The following THAP4 variants were observed in gnomAD, a reference collection of about 807,000 sequenced individuals.
THAP4 encodes the protein THAP domain containing 4.
In THAP4, 18 loss-of-function variants were observed where a neutral mutation model predicts 48.1. That is an observed-to-expected ratio of 0.37 (90% CI 0.26 to 0.56). The LOEUF (loss-of-function observed/expected upper bound fraction) is 0.56. Ranked by LOEUF, THAP4 falls within the 20% of genes least tolerant of loss-of-function variation. The probability of loss-of-function intolerance (pLI) is 0.78; values close to 1 mark genes in which losing one functional copy is unlikely to be tolerated. For synonymous variants in THAP4, 345 were observed against 324.9 expected (o/e 1.06, Z -0.66); for missense variants, 656 against 774.9 (o/e 0.85, Z 1.82).
chr2:241,601,693 C>CA lies in THAP4; in HGVS notation c.1614+202dup. On this transcript the variant is annotated intron_variant, in intron 5 of 5. Transcript: ENST00000407315. This position sits in a 1 kb window ranked among gnomAD's most constrained non-coding sequence, Gnocchi z 4.0. ...ACAACAAACCTCAAAAAAACCACAC[C>CA]ACTGACCAGCCGAGGAGGGGGCAAT... The CA allele has an allele frequency of 1.1e-6, 1 of 929,846 alleles. No individual in the cohort carries two copies. The highest frequency in any genetic ancestry group is 1.6e-6 in the Non-Finnish European group (1 of 640,104). 57.6% of individuals were successfully genotyped at this position (929,846 alleles called of 1,614,324 possible).
chr2:241,621,146 G>A (rs1290480328), intron 2 of THAP4, among the ~76,000 whole-genome samples: 1 of 152,042 alleles, frequency 6.6e-6, no homozygotes, highest in Non-Finnish European at 1.5e-5. Context: ...TCAGGAGTTC[G>A]AGACCAGCCT....
chr2:241,587,932 A>G (rs1401931675), intron 5 of THAP4, among the ~76,000 whole-genome samples: 1 of 151,592 alleles, frequency 6.6e-6, no homozygotes, highest in African/African-American at 2.4e-5. Flanking sequence ...AAAGAAAAAA[A>G]TCACTAGAGA....
chr2:241,614,906 CAAAA>C, intron 2 of THAP4, among the ~76,000 whole-genome samples: 1 of 151,768 alleles, frequency 6.6e-6, no homozygotes, highest in Non-Finnish European at 1.5e-5. Context: ...AAAACAAAAA[CAAAA>C]ACAAAAACAA....
chr2:241,637,399 C>T, upstream of THAP4: 1 of 1,435,190 alleles, frequency 7.0e-7, no homozygotes, highest in Non-Finnish European at 9.2e-7. Context: ...GAGCTCGCCT[C>T]TGCCGCCTCG....
At chr2:241,608,401 A>T (rs930257876) in intron 2 of THAP4, among the ~76,000 whole-genome samples, 2 of 152,224 alleles carry the variant, frequency 1.3e-5, no homozygotes, top group Non-Finnish European at 2.9e-5. Flanking sequence ...TTAAATGATG[A>T]TTTAAAAATT....
intron 2 of THAP4, among the ~76,000 whole-genome samples, chr2:241,625,347 T>C (rs1010482974): frequency 2.0e-5 from 3 of 151,892 alleles, no homozygotes; most frequent in African/African-American, 2.4e-5. Context: ...TGACGGCACG[T>C]GTCCATAGTC....
intron 5 of THAP4, among the ~76,000 whole-genome samples, chr2:241,590,363 A>G (rs2066946639): frequency 6.6e-6 from 1 of 151,030 alleles, no homozygotes; most frequent in Non-Finnish European, 1.5e-5. Flanking sequence ...TAGGACACTC[A>G]GAACTGCCCG....
chr2:241,585,930 G>GAAAAAAAAAA (rs1247935159), intron 5 of THAP4, among the ~76,000 whole-genome samples: 1 of 109,022 alleles, frequency 9.2e-6, no homozygotes, highest in Admixed American at 1.0e-4. Context: ...AAAAAAAAAA[G>GAAAAAAAAAA]AAAAAAAAAA....
intron 2 of THAP4, among the ~76,000 whole-genome samples, chr2:241,613,176 T>C (rs2125085601): frequency 6.6e-6 from 1 of 152,032 alleles, no homozygotes; most frequent in Middle Eastern, 3.4e-3. Context: ...TGTTTCTATG[T>C]CTTCTCCCTG....
intron 2 of THAP4, chr2:241,617,454 C>T: frequency 6.4e-7 from 1 of 1,551,272 alleles, no homozygotes; most frequent in South Asian, 1.2e-5. Flanking sequence ...GTCAAGGTTC[C>T]TCAAGGTTGT....
At chr2:241,594,629 A>G (rs972332030) in intron 5 of THAP4, 57 of 326,616 alleles carry the variant, frequency 1.7e-4, no homozygotes, top group East Asian at 9.4e-5. Flanking sequence ...ATGCTGGTGC[A>G]TACCTGTGGC....
intron 2 of THAP4, among the ~76,000 whole-genome samples, chr2:241,628,638 G>A (rs1329733707): frequency 4.1e-5 from 6 of 147,512 alleles, no homozygotes; most frequent in East Asian, 2.0e-4. Context: ...AGTCACCAGC[G>A]CCCCCCTCAA....
intron 5 of THAP4, among the ~76,000 whole-genome samples, chr2:241,591,200 A>G (rs2125068284): frequency 6.6e-6 from 1 of 151,868 alleles, no homozygotes; most frequent in South Asian, 2.1e-4. Flanking sequence ...GCTGATGATG[A>G]TGGGCACTAG....
intron 1 of THAP4, among the ~76,000 whole-genome samples, chr2:241,636,207 C>T (rs1207055690): frequency 6.6e-6 from 1 of 152,222 alleles, no homozygotes; most frequent in East Asian, 1.9e-4. Context: ...CTATAAATAA[C>T]ACGTGCCATT....
intron 2 of THAP4, among the ~76,000 whole-genome samples, chr2:241,606,897 T>C (rs2125080205): frequency 6.6e-6 from 1 of 152,278 alleles, no homozygotes; most frequent in African/African-American, 2.4e-5. Flanking sequence ...GGGTCCTCCA[T>C]GTCCTACAGC....
At chr2:241,615,949 G>A (rs1476996674) in intron 2 of THAP4, among the ~76,000 whole-genome samples, 7 of 152,168 alleles carry the variant, frequency 4.6e-5, no homozygotes, top group South Asian at 2.1e-4. Flanking sequence ...GGCCCAGCCC[G>A]GCTGGCCTGG....
chr2:241,613,182 C>T (rs915474870), intron 2 of THAP4, among the ~76,000 whole-genome samples: 3 of 151,750 alleles, frequency 2.0e-5, no homozygotes, highest in African/African-American at 7.3e-5. Flanking sequence ...TATGTCTTCT[C>T]CCTGAGGACA....
intron 2 of THAP4, among the ~76,000 whole-genome samples, chr2:241,615,070 G>T (rs575324032): frequency 6.6e-6 from 1 of 152,122 alleles, no homozygotes; most frequent in Non-Finnish European, 1.5e-5. Flanking sequence ...AATCAATCAG[G>T]TGTCCCTTGA....
chr2:241,632,859 G>A (rs1333080640), intron 2 of THAP4, 58 bp downstream of exon 2: 3 of 1,385,414 alleles, frequency 2.2e-6, no homozygotes, highest in Non-Finnish European at 2.9e-6. Context: ...TGGCCACCTT[G>A]CAGAGAAACC....
Sources: allele counts gnomAD v4.1 joint callset (sites outside exome capture counted in the v4.1 genomes callset), GRCh38; gene constraint gnomAD v4.1.1; non-coding constraint Gnocchi (gnomAD v3.1); transcripts MANE v1.5; gene names NCBI Gene and HGNC (gene_info 2026-07-23, HGNC 2026-07-21).